Variants in TTC19 observed in about 807,000 individuals in gnomAD.
TTC19 encodes the protein tetratricopeptide repeat domain 19, also known as tetratricopeptide repeat protein 19, mitochondrial.
TTC19 carries 38 observed loss-of-function variants against 49.5 expected under a neutral mutation model. The ratio of observed to expected loss-of-function variants is 0.77; its 90% CI spans 0.59 to 1.01. The LOEUF is 1.01. Among genes scored for constraint, TTC19 ranks in the 50% least tolerant of loss-of-function variants. The pLI, the probability that TTC19 is intolerant of heterozygous loss-of-function variation, is 0.00. For synonymous variants in TTC19, 204 were observed against 185.2 expected (o/e 1.10, Z -0.83); for missense variants, 475 against 477.7 (o/e 0.99, Z 0.05).
At chr17:16,044,289 T>C (rs1006201031) in intron 2 of TTC19, among the ~76,000 whole-genome samples, 15 of 152,092 alleles carry the variant, frequency 9.9e-5, no homozygotes, top group Admixed American at 9.2e-4. Flanking sequence ...ACCTAGTAAT[T>C]AAGAGCGAGG....
chr17:16,041,712 G>A (rs1264422181), intron 2 of TTC19, among the ~76,000 whole-genome samples: 1 of 151,798 alleles, frequency 6.6e-6, no homozygotes, highest in African/African-American at 2.4e-5. Context: ...ACTGTGCTCA[G>A]CCAGAATGTG....
In TTC19 at chr17:16,024,899, G is replaced by C. The variant is rs147929026; in HGVS notation, c.677-118G>C. The C allele has an allele frequency of 3.1e-4, 282 of 916,102 alleles. 1 individual carries two copies. In the African/African-American group the frequency reaches 3.9e-3, roughly 13 times the overall value. 56.7% of individuals were successfully genotyped at this position (916,102 alleles called of 1,614,324 possible). On this transcript the variant is annotated intron_variant, in intron 7 of 9. Coordinates refer to ENST00000261647, the MANE Select transcript of TTC19 (RefSeq NM_017775.4). ...TAGTCTGGAATAGGTCATTTAACTG[G>C]ATGTTAATTCACCTACATTGTTCCC...
At chr17:16,010,711 A>G (rs1486868677) in intron 7 of TTC19, among the ~76,000 whole-genome samples, 2 of 151,968 alleles carry the variant, frequency 1.3e-5, no homozygotes, top group East Asian at 3.9e-4. Flanking sequence ...TGACCTCATG[A>G]TCCGCCTGCC....
intron 7 of TTC19, among the ~76,000 whole-genome samples, chr17:16,016,588 T>TG (rs1971223553): frequency 6.7e-6 from 1 of 149,352 alleles, no homozygotes; most frequent in African/African-American, 2.5e-5. Flanking sequence ...GATGGAGTCT[T>TG]GCTTTGTCGC....
intron 2 of TTC19, chr17:16,039,746 A>G: frequency 8.8e-7 from 1 of 1,139,388 alleles, no homozygotes; most frequent in Middle Eastern, 2.1e-4. Flanking sequence ...GAATACACAC[A>G]GCACTTGGCA....
rs184389946 is a variant in TTC19 at position 16,004,180 on chromosome 17, T to G, written c.520-21T>G. The G allele has an allele frequency of 3.7e-6, 6 of 1,612,770 alleles. No homozygotes were observed. In the East Asian group the frequency reaches 1.1e-4, roughly 30 times the overall value. ...AAAAATTTACTTGTTATGAGTTCCC[T>G]TCATTCTCTTTCTCTCACAGGAGGA... On this transcript the variant is annotated intron_variant, in intron 5 of 9. Coordinates refer to ENST00000261647, the MANE Select transcript of TTC19 (RefSeq NM_017775.4).
chr17:16,034,799 T>C (rs1297017559), intron 2 of TTC19: 2 of 1,613,972 alleles, frequency 1.2e-6, no homozygotes, highest in South Asian at 2.2e-5. Flanking sequence ...AGGCCCACCC[T>C]GGCGTCTGCC....
chr17:16,028,534 T>C lies in TTC19; in HGVS notation c.*1012T>C, dbSNP rs57322947. On this transcript the variant is annotated 3_prime_UTR_variant, in exon 10 of 10. Transcript: ENST00000261647. ...ACTTTGAATGAATAGACTGCTGTGCTGAAAGAGCTTTATCACACTGTCTCA... is the reference window on the plus strand; with the variant it reads ...ACTTTGAATGAATAGACTGCTGTGCCGAAAGAGCTTTATCACACTGTCTCA... 7.6e-3 allele frequency: 3,470 copies of C among 454,034 alleles called. 106 individuals carry two copies. Among genetic ancestry groups the C allele is most frequent in the African/African-American group, 0.064 (3,205 of 50,084 alleles). 28.1% of individuals were successfully genotyped at this position (454,034 alleles called of 1,614,324 possible).
rs761879345 is a variant in TTC19 at position 16,000,195 on chromosome 17, G to A, written c.262G>A (p.Gly88Arg). The change falls in exon 2 of 10, where the codon GGG (glycine) becomes AGG (arginine). Residue 88 changes from glycine (G) to arginine (R), a missense_variant. Coordinates refer to ENST00000261647, the MANE Select transcript of TTC19 (RefSeq NM_017775.4). ...AGCCGACGGGGCCGCTGCCGAGGACGGGGCGGACGAGGCCGAGGCAGAGAT... is the reference window on the plus strand; with the variant it reads ...AGCCGACGGGGCCGCTGCCGAGGACAGGGCGGACGAGGCCGAGGCAGAGAT... ...QGADGAAAED[G>R]ADEAEAEIIQ... 3.1e-6 allele frequency: 5 copies of A among 1,594,156 alleles called. No individual in the cohort carries two copies. In the East Asian group the frequency reaches 6.7e-5, roughly 21 times the overall value.
intron 2 of TTC19, chr17:16,039,346 A>C (rs1356784793): frequency 8.0e-7 from 1 of 1,255,882 alleles, no homozygotes; most frequent in Non-Finnish European, 1.1e-6. Flanking sequence ...ACATAAATGA[A>C]ATGTCTTAGT....
chr17:16,041,447 C>G (rs1225985305), intron 2 of TTC19, among the ~76,000 whole-genome samples: 1 of 56,530 alleles, frequency 1.8e-5, no homozygotes, highest in Non-Finnish European at 3.5e-5. Context: ...GTGTTTTATT[C>G]TTGTCACCCA....
intron 7 of TTC19, among the ~76,000 whole-genome samples, chr17:16,018,712 T>G (rs1449980100): frequency 5.3e-5 from 8 of 152,094 alleles, no homozygotes. Flanking sequence ...TTCACCATCT[T>G]GCCCAGGCTG....
downstream of TTC19, chr17:16,032,357 T>C: frequency 6.2e-7 from 1 of 1,614,116 alleles, no homozygotes; most frequent in Non-Finnish European, 8.5e-7. Context: ...AGGCTCTCGC[T>C]CCCAGATCCT....
Position 16,028,326 on chromosome 17 carries a change from A to T in TTC19, c.*804A>T, listed in dbSNP as rs770058681. On this transcript the variant is annotated 3_prime_UTR_variant, in exon 10 of 10. Transcript: ENST00000261647. ...AGCCCAGGCTGTTCTGAGTCAGAAT[A>T]GGCCCCTACAGGTATATTTTAAAAC... is the stretch of plus-strand genomic sequence containing the variant. The T allele has an allele frequency of 2.2e-6, 1 of 453,990 alleles. No homozygotes were observed. The highest frequency in any genetic ancestry group is 2.0e-5 in the African/African-American group (1 of 50,016). 28.1% of individuals were successfully genotyped at this position (453,990 alleles called of 1,614,324 possible).
At chr17:16,031,937 G>GGGGA (rs1403100844), downstream of TTC19, 2 of 263,180 alleles carry the variant, frequency 7.6e-6, no homozygotes, top group African/African-American at 4.4e-5. Context: ...ACTACAGCAA[G>GGGGA]GGGATATACA....
At chr17:16,006,156 T>G (rs1453510914) in intron 6 of TTC19, among the ~76,000 whole-genome samples, 2 of 152,214 alleles carry the variant, frequency 1.3e-5, no homozygotes, top group East Asian at 3.8e-4. Context: ...ACGCCTGTAA[T>G]CCCACCACTT....
downstream of TTC19, among the ~76,000 whole-genome samples, chr17:16,033,693 G>A (rs967951537): frequency 1.3e-5 from 2 of 152,116 alleles, no homozygotes; most frequent in Non-Finnish European, 2.9e-5. Flanking sequence ...TGTGATCATA[G>A]TTATTACATA....
intron 2 of TTC19, among the ~76,000 whole-genome samples, chr17:16,035,945 G>T (rs2056266019): frequency 6.6e-6 from 1 of 152,138 alleles, no homozygotes; most frequent in Non-Finnish European, 1.5e-5. Context: ...CCAAACTCCT[G>T]TTAATGTTGA....
chr17:16,040,625 T>C, intron 2 of TTC19: 1 of 835,320 alleles, frequency 1.2e-6, no homozygotes, highest in Non-Finnish European at 1.9e-6. Context: ...TTCTCACCCA[T>C]TAAGTGAAGA....
Sources: allele counts gnomAD v4.1 joint callset (sites outside exome capture counted in the v4.1 genomes callset), GRCh38; gene constraint gnomAD v4.1.1; transcripts MANE v1.5; gene names NCBI Gene and HGNC (gene_info 2026-07-23, HGNC 2026-07-21).